HACE1: variants seen among roughly 807,000 people sequenced by gnomAD.
The protein encoded by HACE1 is HECT domain and ankyrin repeat containing E3 ubiquitin protein ligase 1, also known as E3 ubiquitin-protein ligase HACE1.
In HACE1, 73 loss-of-function variants were observed where a neutral mutation model predicts 118.4. The observed-to-expected ratio is 0.62, with a 90% confidence interval of 0.51 to 0.75. The LOEUF is 0.75. Among genes scored for constraint, HACE1 ranks in the 30% least tolerant of loss-of-function variants. The pLI, the probability that HACE1 is intolerant of heterozygous loss-of-function variation, is 0.00. For missense variants in HACE1, 749 were observed against 1,102.2 expected, an observed-to-expected ratio of 0.68 and a Z score of 4.54; for synonymous variants, 368 against 374.8, an observed-to-expected ratio of 0.98 and a Z score of 0.21.
intron 22 of HACE1, among the ~76,000 whole-genome samples, chr6:104,733,591 G>A (rs1281601866): frequency 2.0e-5 from 3 of 152,126 alleles, no homozygotes; most frequent in Non-Finnish European, 2.9e-5. Context: ...GGTGGCTCAC[G>A]CCTGTAATCC....
At chr6:104,840,000 T>C (rs1200382719) in intron 5 of HACE1, among the ~76,000 whole-genome samples, 1 of 152,100 alleles carries the variant, frequency 6.6e-6, no homozygotes, top group African/African-American at 2.4e-5. Flanking sequence ...AGCGAGACTC[T>C]GTCTCAAAAA....
At chr6:104,746,787 A>C (rs1777481005) in intron 20 of HACE1, among the ~76,000 whole-genome samples, 1 of 152,184 alleles carries the variant, frequency 6.6e-6, no homozygotes, top group South Asian at 2.1e-4. Flanking sequence ...CAGGACTCTG[A>C]TATAGGTTTG....
At chr6:104,788,057 A>G (rs1782630832) in intron 11 of HACE1, among the ~76,000 whole-genome samples, 1 of 152,172 alleles carries the variant, frequency 6.6e-6, no homozygotes, top group African/African-American at 2.4e-5. Context: ...CTTCAATCAC[A>G]AAAAAGAATA....
intron 5 of HACE1, among the ~76,000 whole-genome samples, chr6:104,835,251 TC>T (rs1774407047): frequency 6.6e-6 from 1 of 152,186 alleles, no homozygotes; most frequent in African/African-American, 2.4e-5. Flanking sequence ...AATAGCTTTT[TC>T]CATTTCCACC....
chr6:104,810,585 A>G lies in HACE1; in HGVS notation c.617+726T>C, dbSNP rs527733139. On this transcript the variant is annotated intron_variant, in intron 7 of 23. Coordinates refer to ENST00000262903, the MANE Select transcript of HACE1 (RefSeq NM_020771.4). Reference sequence around the variant, plus strand: ...TATGTAGGTGTGTATATATTTTTACATATGTGTGTGGGTGTGGGTGTGACG... The same window carrying G: ...TATGTAGGTGTGTATATATTTTTACGTATGTGTGTGGGTGTGGGTGTGACG... Among the ~76,000 whole-genome samples the G allele has an allele frequency of 1.4e-4, 22 of 152,184 alleles. No homozygotes were observed. The East Asian group carries it at 4.2e-3, about 29-fold the overall frequency.
chr6:104,859,458 T>C (rs1444502311), intron 1 of HACE1, 109 bp downstream of exon 1: 1 of 856,112 alleles, frequency 1.2e-6, no homozygotes, highest in South Asian at 1.8e-5. Flanking sequence ...AAGTGGGCGT[T>C]TTCTCAGCTT....
chr6:104,753,226 C>T (rs34343561), intron 19 of HACE1, among the ~76,000 whole-genome samples: 31,593 of 152,158 alleles, frequency 0.21, 3,979 homozygotes, highest in African/African-American at 0.36. Flanking sequence ...CTAAGGACAG[C>T]GCTTTGGTAT....
intron 6 of HACE1, among the ~76,000 whole-genome samples, chr6:104,820,572 C>T (rs1390564096): frequency 6.6e-6 from 1 of 152,086 alleles, no homozygotes; most frequent in Non-Finnish European, 1.5e-5. Flanking sequence ...AGGTGGCCAA[C>T]AATCATATGA....
At position 104,809,283 on chromosome 6, in the gene HACE1, G is replaced by T. The variant is rs1771346125; in HGVS notation, c.617+2028C>A. On this transcript the variant is annotated intron_variant, in intron 7 of 23. Transcript: ENST00000262903. ...AATAAACAACTACAGAATAGGAAGTGCTATGAAGGAAATGACTGTGATACT... is the reference window on the plus strand; with the variant it reads ...AATAAACAACTACAGAATAGGAAGTTCTATGAAGGAAATGACTGTGATACT... 1.3e-5 allele frequency among the ~76,000 whole-genome samples: 2 copies of T among 152,164 alleles called. 1 individual carries two copies. Among genetic ancestry groups the T allele is most frequent in the East Asian group, 3.9e-4 (2 of 5,194 alleles).
intron 6 of HACE1, among the ~76,000 whole-genome samples, chr6:104,832,267 T>G (rs966708476): frequency 2.0e-5 from 3 of 152,244 alleles, no homozygotes; most frequent in Non-Finnish European, 4.4e-5. Flanking sequence ...AATGTGAATA[T>G]ACTACATTTA....
chr6:104,855,466 AT>A (rs1776629265), intron 1 of HACE1, among the ~76,000 whole-genome samples: 1 of 152,042 alleles, frequency 6.6e-6, no homozygotes, highest in Non-Finnish European at 1.5e-5. Flanking sequence ...AAAAATAAAG[AT>A]AAAAAATAAA....
rs1239283200 is a variant in HACE1, at chr6:104,857,235, T to C, written c.76+2332A>G. Among the ~76,000 whole-genome samples, 3 of 149,404 alleles carry C rather than the reference T, an allele frequency of 2.0e-5. No individual in the cohort carries two copies. The Admixed American group carries it at 2.0e-4, about 10-fold the overall frequency. ...TATATATATTCCTATATGTATGATA[T>C]ACTTTAAAGAGCCAAGCTCAGAGAA... On this transcript the variant is annotated intron_variant, in intron 1 of 23. Transcript: ENST00000262903.
intron 6 of HACE1, among the ~76,000 whole-genome samples, chr6:104,812,122 A>T (rs1453175367): frequency 5.8e-5 from 2 of 34,770 alleles, no homozygotes; most frequent in Non-Finnish European, 1.1e-4. Context: ...AAAACCTTTA[A>T]AAAAAAAAAC....
intron 1 of HACE1, among the ~76,000 whole-genome samples, chr6:104,857,022 T>G (rs1393770495): frequency 6.6e-6 from 1 of 152,032 alleles, no homozygotes; most frequent in Non-Finnish European, 1.5e-5. Flanking sequence ...TAGATGCTTA[T>G]TGATTACTGA....
intron 22 of HACE1, among the ~76,000 whole-genome samples, chr6:104,736,641 C>A (rs897019403): frequency 1.3e-5 from 2 of 152,100 alleles, no homozygotes; most frequent in Non-Finnish European, 2.9e-5. Flanking sequence ...AAGTTATTGA[C>A]AATTCAGAGT....
Position 104,827,241 on chromosome 6 carries a change from A to G in HACE1, c.534+5801T>C, listed in dbSNP as rs945064250. 3.3e-5 allele frequency among the ~76,000 whole-genome samples: 5 copies of G among 152,344 alleles called. No individual in the cohort carries two copies. In the South Asian group the frequency reaches 1.0e-3, roughly 32 times the overall value. On this transcript the variant is annotated intron_variant, in intron 6 of 23. Transcript: ENST00000262903. ...AGTAAAAAGGAATAGATATTCAATG[A>G]TAAAACTCTAAGTAAAAATCAAAGT...
intron 7 of HACE1, among the ~76,000 whole-genome samples, chr6:104,801,227 C>G (rs533158515): frequency 6.6e-6 from 1 of 151,938 alleles, no homozygotes; most frequent in South Asian, 2.1e-4. Context: ...GTGAAAAGAC[C>G]AATCTATGTT....
At chr6:104,826,006 A>C (rs1582663573) in intron 6 of HACE1, among the ~76,000 whole-genome samples, 1 of 152,154 alleles carries the variant, frequency 6.6e-6, no homozygotes, top group African/African-American at 2.4e-5. Context: ...AGTGAACATC[A>C]CTATCTGAGC....
At chr6:104,811,206 T>A in intron 7 of HACE1, 105 bp downstream of exon 7, 1 of 224,682 alleles carries the variant, frequency 4.5e-6, no homozygotes, top group Admixed American at 6.0e-5. Context: ...AGAAATAGAG[T>A]ATTATATACA....
Sources: gnomAD v4.1 joint callset for allele counts (sites outside exome capture counted in the v4.1 genomes callset) on GRCh38, gnomAD v4.1.1 for gene constraint, MANE v1.5 for transcripts, NCBI Gene and HGNC (gene_info 2026-07-23, HGNC 2026-07-21) for gene names.